Variants in BABAM2 observed in about 807,000 individuals in gnomAD.
BABAM2 encodes the protein BRISC and BRCA1-A complex member 2.
BABAM2 carries 31 observed loss-of-function variants against 54.7 expected under a neutral mutation model. That is an observed-to-expected ratio of 0.57 (90% CI 0.43 to 0.77). The LOEUF is 0.77. Among genes scored for constraint, BABAM2 ranks in the 30% least tolerant of loss-of-function variants. BABAM2 has a pLI of 0.00. For missense variants in BABAM2, 364 were observed against 455.8 expected (o/e 0.80, Z 1.83); for synonymous variants, 167 against 162.9 (o/e 1.03, Z -0.19).
At chr2:28,004,094 G>T (rs1437331787) in intron 4 of BABAM2, among the ~76,000 whole-genome samples, 3 of 149,794 alleles carry the variant, frequency 2.0e-5, no homozygotes, top group African/African-American at 4.9e-5. Flanking sequence ...TTTTGAACCT[G>T]GTTCTAATAT....
At chr2:28,272,641 G>A (rs144981321) in intron 10 of BABAM2, among the ~76,000 whole-genome samples, 150 of 152,250 alleles carry the variant, frequency 9.9e-4, no homozygotes, top group East Asian at 1.7e-3. Context: ...AAGACTCAGC[G>A]GGGCTCCACG....
At chr2:28,110,843 GTTTC>G (rs1667943604) in intron 6 of BABAM2, among the ~76,000 whole-genome samples, 1 of 152,026 alleles carries the variant, frequency 6.6e-6, no homozygotes, top group Non-Finnish European at 1.5e-5. Context: ...AAGTGCTCCA[GTTTC>G]TTGACATTCT....
chr2:28,292,111 C>T (rs535428915), intron 10 of BABAM2, among the ~76,000 whole-genome samples: 1 of 152,260 alleles, frequency 6.6e-6, no homozygotes, highest in Admixed American at 6.5e-5. Context: ...CACCACAAAG[C>T]GCATCTATGA....
At chr2:28,305,878 C>T (rs552630751) in intron 11 of BABAM2, among the ~76,000 whole-genome samples, 38 of 152,020 alleles carry the variant, frequency 2.5e-4, no homozygotes, top group African/African-American at 8.7e-4. Context: ...TATAAAATTA[C>T]TTTCTACAGA....
intron 6 of BABAM2, among the ~76,000 whole-genome samples, chr2:28,049,350 C>G (rs1485181765): frequency 6.6e-6 from 1 of 152,016 alleles, no homozygotes; most frequent in East Asian, 1.9e-4. Context: ...TCAACATTAA[C>G]TTTTTTTTGT....
chr2:27,952,002 G>C (rs1669765062), intron 3 of BABAM2, among the ~76,000 whole-genome samples: 1 of 152,104 alleles, frequency 6.6e-6, no homozygotes, highest in Non-Finnish European at 1.5e-5. Flanking sequence ...TATAATTGTG[G>C]ATTTGTCTAC....
At chr2:28,319,264 T>G (rs967794158) in intron 11 of BABAM2, among the ~76,000 whole-genome samples, 1 of 152,214 alleles carries the variant, frequency 6.6e-6, no homozygotes, top group East Asian at 1.9e-4. Flanking sequence ...TAAGAACCTT[T>G]GTGCAAACAA....
chr2:27,910,175 G>A (rs147027552), intron 2 of BABAM2, among the ~76,000 whole-genome samples: 16 of 152,232 alleles, frequency 1.1e-4, no homozygotes, highest in Non-Finnish European at 1.9e-4. Context: ...AGGAGACAAG[G>A]CCATTATCTG....
At chr2:28,282,040 G>A (rs1686405107) in intron 10 of BABAM2, among the ~76,000 whole-genome samples, 1 of 152,108 alleles carries the variant, frequency 6.6e-6, no homozygotes, top group African/African-American at 2.4e-5. Context: ...CTGAGCTTTG[G>A]GAGTGAGGGC....
At chr2:28,237,137 G>C in intron 7 of BABAM2, 65 bp from the exon 8 acceptor site, 1 of 1,386,504 alleles carries the variant, frequency 7.2e-7, no homozygotes, top group Non-Finnish European at 1.0e-6. Flanking sequence ...AGTCTGCTTG[G>C]GGGTGTCACT....
intron 6 of BABAM2, among the ~76,000 whole-genome samples, chr2:28,078,775 T>C (rs981056684): frequency 6.6e-6 from 1 of 152,162 alleles, no homozygotes; most frequent in Non-Finnish European, 1.5e-5. Flanking sequence ...GTCCAGTAGC[T>C]AGGATATGCA....
chr2:28,107,743 T>C (rs1241940511), intron 6 of BABAM2, among the ~76,000 whole-genome samples: 1 of 152,198 alleles, frequency 6.6e-6, no homozygotes, highest in Admixed American at 6.5e-5. Context: ...GCCTAATGAA[T>C]AGTTTAGTTG....
chr2:28,238,620 C>G (rs1459755976), intron 8 of BABAM2, among the ~76,000 whole-genome samples: 1 of 152,190 alleles, frequency 6.6e-6, no homozygotes, highest in Non-Finnish European at 1.5e-5. Context: ...AACCCTCATG[C>G]AGGGGTTGCT....
intron 7 of BABAM2, among the ~76,000 whole-genome samples, chr2:28,209,055 G>A (rs1210898029): frequency 6.6e-6 from 1 of 152,138 alleles, no homozygotes; most frequent in African/African-American, 2.4e-5. Flanking sequence ...GCTAAATTAG[G>A]TCTGAGGGTC....
At chr2:28,145,290 G>C (rs915059309) in intron 7 of BABAM2, among the ~76,000 whole-genome samples, 1 of 152,184 alleles carries the variant, frequency 6.6e-6, no homozygotes, top group African/African-American at 2.4e-5. Flanking sequence ...CTCAGCCCTT[G>C]CTGTTTAAAT....
At chr2:28,121,138 G>T (rs1669029960) in intron 6 of BABAM2, among the ~76,000 whole-genome samples, 1 of 152,086 alleles carries the variant, frequency 6.6e-6, no homozygotes, top group Non-Finnish European at 1.5e-5. Flanking sequence ...TAGGCTTTTG[G>T]AACCCCCAAT....
At position 28,244,976 on chromosome 2, in the gene BABAM2, C is replaced by T. The variant is rs907088246; in HGVS notation, c.934+114C>T. 5.2e-6 allele frequency: 4 copies of T among 764,298 alleles called. No homozygotes were observed. The African/African-American group carries it at 5.4e-5, about 10-fold the overall frequency. 47.3% of individuals were successfully genotyped at this position (764,298 alleles called of 1,614,324 possible). A position where few individuals can be genotyped will look rare whatever the true frequency, so the allele number is the denominator to read the frequency against. ...CCTGTCTCGGTTCCTTTTACTGTAG[C>T]GTATATATATATTTATTGTGGGATA... is the stretch of plus-strand genomic sequence containing the variant. On this transcript the variant is annotated intron_variant, in intron 10 of 11. Transcript: ENST00000379624.
chr2:28,226,810 G>T (rs550455153), intron 7 of BABAM2, among the ~76,000 whole-genome samples: 4 of 152,136 alleles, frequency 2.6e-5, no homozygotes, highest in Admixed American at 2.6e-4. Context: ...GGAGGTTTTA[G>T]CCCCAGTGAG....
At position 28,250,686 on chromosome 2, in the gene BABAM2, G is replaced by A. The variant is rs1039921694; in HGVS notation, c.934+5824G>A. On this transcript the variant is annotated intron_variant, in intron 10 of 11. Coordinates refer to ENST00000379624, the MANE Select transcript of BABAM2 (RefSeq NM_199191.3). The stretch of plus-strand genomic sequence containing the variant: ...ACGATCTCAGCTCACAGCAACCTCC[G>A]CCTCCCAGGTTCAAGCAATTCTCCT... 3.3e-5 allele frequency among the ~76,000 whole-genome samples: 5 copies of A among 149,972 alleles called. No homozygotes were observed. In the East Asian group the frequency reaches 7.9e-4, roughly 24 times the overall value.
Sources: gnomAD v4.1 joint callset for allele counts (sites outside exome capture counted in the v4.1 genomes callset) on GRCh38, gnomAD v4.1.1 for gene constraint, MANE v1.5 for transcripts, NCBI Gene and HGNC (gene_info 2026-07-23, HGNC 2026-07-21) for gene names.